FGF10: variants seen among roughly 807,000 people sequenced by gnomAD.
FGF10 encodes FGF-10.
In FGF10, 2 loss-of-function variants were observed where a neutral mutation model predicts 19.8. That is an observed-to-expected ratio of 0.10 (90% confidence interval 0.04 to 0.32). The LOEUF (loss-of-function observed/expected upper bound fraction) is 0.32, where lower values mean the gene tolerates loss of function less well. Among genes scored for constraint, FGF10 ranks in the 10% least tolerant of loss-of-function variants. The pLI is 1.00. For missense variants in FGF10, 191 were observed against 246.3 expected (o/e 0.78, Z 1.50); for synonymous variants, 112 against 94.0 (o/e 1.19, Z -1.10).
intron 1 of FGF10, among the ~76,000 whole-genome samples, chr5:44,347,183 G>A (rs1327880127): frequency 1.3e-5 from 2 of 151,686 alleles, no homozygotes; most frequent in African/African-American, 2.4e-5. Context: ...AGTTAAGCAT[G>A]AGTCATAATA....
intron 1 of FGF10, among the ~76,000 whole-genome samples, chr5:44,320,974 G>C (rs757104864): frequency 6.6e-6 from 1 of 151,386 alleles, no homozygotes; most frequent in African/African-American, 2.4e-5. Flanking sequence ...GCCTCCCAAA[G>C]TGCCAGTCCA....
chr5:44,381,297 C>T (rs1415261721), intron 1 of FGF10, among the ~76,000 whole-genome samples: 1 of 151,950 alleles, frequency 6.6e-6, no homozygotes, highest in African/African-American at 2.4e-5. Flanking sequence ...GAATTTACAC[C>T]ATTGAAGATT....
intron 1 of FGF10, among the ~76,000 whole-genome samples, chr5:44,349,447 T>TCAGA (rs1359178879): frequency 7.1e-4 from 11 of 15,454 alleles, no homozygotes; most frequent in South Asian, 6.1e-3. Flanking sequence ...TATATATATA[T>TCAGA]ATATATATAT....
At chr5:44,375,894 A>C (rs760691475) in intron 1 of FGF10, among the ~76,000 whole-genome samples, 20 of 152,138 alleles carry the variant, frequency 1.3e-4, no homozygotes, top group Non-Finnish European at 2.8e-4. Flanking sequence ...TTTTAGGCCT[A>C]ATTTTCTCAT....
At chr5:44,349,522 C>CAG (rs1741189401) in intron 1 of FGF10, among the ~76,000 whole-genome samples, 1 of 108,188 alleles carries the variant, frequency 9.2e-6, no homozygotes. Context: ...GTATATATCT[C>CAG]TATATATGCC....
intron 1 of FGF10, among the ~76,000 whole-genome samples, chr5:44,345,116 G>A (rs990091729): frequency 1.3e-5 from 2 of 151,730 alleles, no homozygotes; most frequent in Non-Finnish European, 2.9e-5. Context: ...TTATTTTAAA[G>A]CATCCACACT....
chr5:44,376,518 C>CAAAAAAAAAAAAAAAAAAAAAAAAA (rs1265124775), intron 1 of FGF10, among the ~76,000 whole-genome samples: 4 of 72,694 alleles, frequency 5.5e-5, no homozygotes, highest in Admixed American at 1.8e-4. Context: ...AAAAAAAAAA[C>CAAAAAAAAAAAAAAAAAAAAAAAAA]AAAAAACCCA....
At chr5:44,307,242 G>A (rs984892601) in intron 2 of FGF10, among the ~76,000 whole-genome samples, 13 of 152,076 alleles carry the variant, frequency 8.5e-5, no homozygotes, top group African/African-American at 2.9e-4. Context: ...TAGAGGAGGG[G>A]CCTCAAAATA....
At chr5:44,326,763 C>T (rs1177141330) in intron 1 of FGF10, among the ~76,000 whole-genome samples, 3 of 151,952 alleles carry the variant, frequency 2.0e-5, no homozygotes. Context: ...ACTACCAGCA[C>T]CGGGATCATA....
chr5:44,310,541 C>A lies in FGF10; in HGVS notation c.326-11G>T, dbSNP rs1428024907. 1 of 1,572,638 alleles carries A rather than the reference C, an allele frequency of 6.4e-7. No individual in the cohort carries two copies. Among genetic ancestry groups the A allele is most frequent in the Non-Finnish European group, 8.7e-7 (1 of 1,143,448 alleles). On this transcript the variant is annotated splice_polypyrimidine_tract_variant and intron_variant, in intron 1 of 2. Transcript: ENST00000264664. Reference sequence around the variant, plus strand: ...TTATCTCCAGGATGCCTAAAACATACAATTTTAAAAGGCTAAATAAAGAAT... The same window carrying A: ...TTATCTCCAGGATGCCTAAAACATAAAATTTTAAAAGGCTAAATAAAGAAT...
At chr5:44,359,812 A>G (rs762842641) in intron 1 of FGF10, among the ~76,000 whole-genome samples, 2 of 151,394 alleles carry the variant, frequency 1.3e-5, no homozygotes, top group Non-Finnish European at 3.0e-5. Context: ...CATCATACCC[A>G]TTATGTAATT....
chr5:44,312,422 C>T (rs1402204458), intron 1 of FGF10, among the ~76,000 whole-genome samples: 3 of 151,946 alleles, frequency 2.0e-5, no homozygotes. Context: ...TCTATTGCTC[C>T]CCATCTCTGA....
At position 44,315,339 on chromosome 5, in the gene FGF10, A is replaced by T. The variant is rs1356339648; in HGVS notation, c.326-4809T>A. 2.0e-5 allele frequency among the ~76,000 whole-genome samples: 3 copies of T among 152,114 alleles called. 1 individual carries two copies. Among genetic ancestry groups the T allele is most frequent in the Admixed American group, 6.6e-5 (1 of 15,238 alleles). ...GGGTTTTAATAGGGGGGATTTGGGA[A>T]GTTGAGAAGGAACATTCCAGGGAGA... On this transcript the variant is annotated intron_variant, in intron 1 of 2. Coordinates refer to ENST00000264664, the MANE Select transcript of FGF10 (RefSeq NM_004465.2).
At chr5:44,361,179 T>C (rs1457824425) in intron 1 of FGF10, among the ~76,000 whole-genome samples, 1 of 151,668 alleles carries the variant, frequency 6.6e-6, no homozygotes, top group African/African-American at 2.4e-5. Context: ...ACTGGAATGA[T>C]GACAATCAGA....
At chr5:44,346,311 A>AT (rs925757557) in intron 1 of FGF10, among the ~76,000 whole-genome samples, 19 of 151,522 alleles carry the variant, frequency 1.3e-4, no homozygotes, top group African/African-American at 4.6e-4. Context: ...TATTTCCTTC[A>AT]TTTTTCCCAG....
At chr5:44,347,493 A>T (rs775577507) in intron 1 of FGF10, among the ~76,000 whole-genome samples, 3 of 151,748 alleles carry the variant, frequency 2.0e-5, no homozygotes, top group Non-Finnish European at 2.9e-5. Context: ...TATGAATAGA[A>T]CTTCTTTTTG....
intron 1 of FGF10, among the ~76,000 whole-genome samples, chr5:44,316,358 T>G (rs528137234): frequency 1.3e-5 from 2 of 152,180 alleles, no homozygotes. Context: ...ATATATTTAC[T>G]GTGTGCTCAA....
At chr5:44,335,352 A>T (rs1228630707) in intron 1 of FGF10, among the ~76,000 whole-genome samples, 5 of 151,798 alleles carry the variant, frequency 3.3e-5, no homozygotes, top group Non-Finnish European at 2.9e-5. Flanking sequence ...ATCAAGTTAA[A>T]CTCTAGTGGC....
intron 1 of FGF10, among the ~76,000 whole-genome samples, chr5:44,337,952 G>A (rs1426670421): frequency 6.6e-6 from 1 of 151,838 alleles, no homozygotes; most frequent in Non-Finnish European, 1.5e-5. Flanking sequence ...AAAAAAAAAT[G>A]CATATTACAA....
Sources: gnomAD v4.1 joint callset for allele counts (sites outside exome capture counted in the v4.1 genomes callset) on GRCh38, gnomAD v4.1.1 for gene constraint, MANE v1.5 for transcripts, NCBI Gene and HGNC (gene_info 2026-07-23, HGNC 2026-07-21) for gene names.